ADAM2: variants seen among roughly 807,000 people sequenced by gnomAD.
The protein encoded by ADAM2 is ADAM metallopeptidase domain 2, also known as disintegrin and metalloproteinase domain-containing protein 2.
Under a neutral mutation model 99.3 loss-of-function variants are expected in ADAM2, and 101 were observed. The observed-to-expected ratio is 1.02, with a 90% CI of 0.87 to 1.20. ADAM2 has a LOEUF of 1.20. ADAM2 is among the 50% of genes most tolerant of loss of function. The pLI, the probability that ADAM2 is intolerant of heterozygous loss-of-function variation, is 0.00. For missense variants in ADAM2, 948 were observed against 878.7 expected (o/e 1.08, Z -1.00); for synonymous variants, 323 against 287.6 (o/e 1.12, Z -1.25).
rs770129210 is a variant in ADAM2, at chr8:39,749,693, T to C, written c.1849A>G (p.Thr617Ala). ...VSSSYLGYDC[T>A]TDKCNDRGVC... is the part of the protein sequence containing the mutation. ...CCTCTATCATTGCATTTGTCAGTAG[T>C]ACAATCATAACCCAAGTATGAAGAA... The change falls in exon 17 of 21, where the codon ACT (threonine) becomes GCT (alanine). Residue 617 changes from threonine (T) to alanine (A), a missense_variant. Transcript: ENST00000265708. 4.3e-6 allele frequency: 7 copies of C among 1,612,196 alleles called. No individual in the cohort carries two copies. In the Admixed American group the frequency reaches 1.0e-4, roughly 23 times the overall value.
At chr8:39,793,658 A>T (rs1803813383) in intron 7 of ADAM2, among the ~76,000 whole-genome samples, 1 of 152,162 alleles carries the variant, frequency 6.6e-6, no homozygotes, top group African/African-American at 2.4e-5. Context: ...AGGGCAAAAG[A>T]AATTTCCAGA....
At chr8:39,817,638 T>C (rs777501404) in intron 6 of ADAM2, among the ~76,000 whole-genome samples, 17 of 152,118 alleles carry the variant, frequency 1.1e-4, no homozygotes, top group Non-Finnish European at 2.9e-5. Flanking sequence ...AACATAAAAT[T>C]GTCATATGTG....
chr8:39,834,850 A>G (rs893146169), intron 2 of ADAM2, among the ~76,000 whole-genome samples: 1 of 151,912 alleles, frequency 6.6e-6, no homozygotes, highest in African/African-American at 2.4e-5. Flanking sequence ...CTATACCTAA[A>G]CTGTTAAGAG....
intron 7 of ADAM2, among the ~76,000 whole-genome samples, chr8:39,807,432 C>G (rs748223219): frequency 6.6e-6 from 1 of 152,022 alleles, no homozygotes; most frequent in African/African-American, 2.4e-5. Context: ...GAGAAGGACA[C>G]GAATATGGGG....
chr8:39,767,372 A>T, intron 12 of ADAM2, 121 bp from the exon 13 acceptor site: 2 of 851,884 alleles, frequency 2.3e-6, no homozygotes, highest in South Asian at 3.1e-5. Context: ...CATGTTGGCA[A>T]ACAGAAAAAT....
chr8:39,760,136 GGATTACA>G (rs1802293228), intron 15 of ADAM2, among the ~76,000 whole-genome samples: 1 of 151,970 alleles, frequency 6.6e-6, no homozygotes, highest in African/African-American at 2.4e-5. Context: ...CAAAGTGCTG[GGATTACA>G]GGTATGAGCT....
At position 39,806,910 on chromosome 8, in the gene ADAM2, T is replaced by A. The variant is rs143629064; in HGVS notation, c.570+2500A>T. On this transcript the variant is annotated intron_variant, in intron 7 of 20. Coordinates refer to ENST00000265708, the MANE Select transcript of ADAM2 (RefSeq NM_001464.5). Reference sequence around the variant, plus strand: ...ACACAATGAAGGAGGGCTGCCAGACTTCTTAGATTTGACAGGATGGAACGA... The same window carrying A: ...ACACAATGAAGGAGGGCTGCCAGACATCTTAGATTTGACAGGATGGAACGA... Among the ~76,000 whole-genome samples the A allele has an allele frequency of 2.1e-3, 323 of 152,278 alleles. 2 individuals are homozygous for A. Among genetic ancestry groups the A allele is most frequent in the Non-Finnish European group, 1.7e-3 (114 of 68,012 alleles).
intron 7 of ADAM2, among the ~76,000 whole-genome samples, chr8:39,792,526 T>C (rs528439220): frequency 3.3e-5 from 5 of 152,234 alleles, no homozygotes; most frequent in African/African-American, 1.2e-4. Context: ...CTTAGTCGAA[T>C]TCCCTCCTCA....
Position 39,821,639 on chromosome 8 carries a change from A to G in ADAM2, c.291T>C (p.Tyr97=). 1 of 1,607,786 alleles carries G rather than the reference A, an allele frequency of 6.2e-7. No individual in the cohort carries two copies. The highest frequency in any genetic ancestry group is 8.5e-7 in the Non-Finnish European group (1 of 1,174,848). Residue 97 remains tyrosine (Y), a synonymous_variant, in exon 5 of 21, where the codon TAT becomes TAC. Coordinates refer to ENST00000265708, the MANE Select transcript of ADAM2 (RefSeq NM_001464.5). ...DFQNFCHYQG[Y]IEGYPKSVVM... is the part of the protein sequence containing the mutation. ...CCACAGATTTTGGATAACCTTCAAT[A>G]TACCCTTGGTAGTGGCAGAAATTCT...
At chr8:39,790,295 A>G (rs1036600758) in intron 7 of ADAM2, among the ~76,000 whole-genome samples, 3 of 151,984 alleles carry the variant, frequency 2.0e-5, no homozygotes, top group African/African-American at 2.4e-5. Context: ...ATGTCCATCA[A>G]CTAATGAATA....
rs144303214 is a variant in ADAM2 at position 39,780,547 on chromosome 8, C to T, written c.892-3386G>A. Among the ~76,000 whole-genome samples the T allele has an allele frequency of 1.3e-4, 20 of 152,260 alleles. No individual in the cohort carries two copies. In the East Asian group the frequency reaches 3.9e-3, roughly 29 times the overall value. The stretch of plus-strand genomic sequence containing the variant: ...ACCTCTGCCACCCAATAATTGCAAA[C>T]AGCCCAGTCAATAGAAAGTCAAGTC... On this transcript the variant is annotated intron_variant, in intron 10 of 20. Transcript: ENST00000265708.
chr8:39,781,807 C>A (rs1325082570), intron 10 of ADAM2, among the ~76,000 whole-genome samples: 1 of 152,070 alleles, frequency 6.6e-6, no homozygotes, highest in African/African-American at 2.4e-5. Context: ...TTTACACTAC[C>A]ATTTTTGATG....
chr8:39,795,373 C>T (rs1347090697), intron 7 of ADAM2, among the ~76,000 whole-genome samples: 3 of 152,100 alleles, frequency 2.0e-5, no homozygotes, highest in African/African-American at 7.2e-5. Flanking sequence ...CAGCACAGAC[C>T]TTAAGTCTGA....
intron 2 of ADAM2, 139 bp from the exon 3 acceptor site, chr8:39,834,138 ATTTAT>A: frequency 1.9e-6 from 1 of 526,796 alleles, no homozygotes; most frequent in South Asian, 3.2e-5. Context: ...TTTAATGCTG[ATTTAT>A]TTTAATGGCA....
intron 14 of ADAM2, 29 bp downstream of exon 14, chr8:39,766,819 T>TG: frequency 6.6e-7 from 1 of 1,507,746 alleles, no homozygotes; most frequent in South Asian, 1.2e-5. Flanking sequence ...AAAAAACGCA[T>TG]ATATGAGAAA....
At chr8:39,784,713 C>G (rs934258067) in intron 10 of ADAM2, among the ~76,000 whole-genome samples, 3 of 152,020 alleles carry the variant, frequency 2.0e-5, no homozygotes, top group African/African-American at 7.3e-5. Context: ...AATAAACAAG[C>G]CAAATTCCAG....
At chr8:39,794,846 T>C (rs555303728) in intron 7 of ADAM2, among the ~76,000 whole-genome samples, 18 of 152,204 alleles carry the variant, frequency 1.2e-4, no homozygotes, top group Middle Eastern at 3.4e-3. Context: ...AACCGCTTCC[T>C]TCTTTAACTC....
In ADAM2 at chr8:39,746,557, TAAAG is replaced by T; in HGVS notation, c.2085_2088del (p.Phe695LeufsTer7). On this transcript the variant is annotated frameshift_variant, in exon 19 of 21. Coordinates refer to ENST00000265708, the MANE Select transcript of ADAM2 (RefSeq NM_001464.5). LOFTEE classifies it high-confidence loss of function. ...ATAGCAATCAGTACACAGAAAATAA[TAAAG>T]AAAGGAATGAATAAGAAAAATGGCC... 1 of 1,606,712 alleles carries T rather than the reference TAAAG, an allele frequency of 6.2e-7. No individual in the cohort carries two copies. Among genetic ancestry groups the T allele is most frequent in the Non-Finnish European group, 8.5e-7 (1 of 1,176,148 alleles).
intron 9 of ADAM2, 54 bp downstream of exon 9, chr8:39,788,031 A>T (rs2129585354): frequency 8.2e-7 from 1 of 1,216,556 alleles, no homozygotes; most frequent in East Asian, 2.8e-5. Context: ...ATATTCGGTC[A>T]AATTGCATAA....
Sources: allele counts gnomAD v4.1 joint callset (sites outside exome capture counted in the v4.1 genomes callset), GRCh38; gene constraint gnomAD v4.1.1; transcripts MANE v1.5; gene names NCBI Gene and HGNC (gene_info 2026-07-23, HGNC 2026-07-21).